The following SGCD variants were observed in gnomAD, a reference collection of about 807,000 sequenced individuals.
The protein encoded by SGCD is sarcoglycan delta.
SGCD carries 18 observed loss-of-function variants against 36.6 expected under a neutral mutation model. The observed-to-expected ratio is 0.49, with a 90% confidence interval of 0.34 to 0.73. The LOEUF (loss-of-function observed/expected upper bound fraction) is 0.73, where lower values mean the gene tolerates loss of function less well. Among genes scored for constraint, SGCD ranks in the 30% least tolerant of loss-of-function variants. The pLI, the probability that SGCD is intolerant of heterozygous loss-of-function variation, is 0.01. For missense variants in SGCD, 387 were observed against 346.7 expected, an observed-to-expected ratio of 1.12 and a Z score of -0.92; for synonymous variants, 133 against 130.6, an observed-to-expected ratio of 1.02 and a Z score of -0.12.
chr5:156,257,893 C>T (rs1247438469), intron 3 of SGCD, among the ~76,000 whole-genome samples: 1 of 151,970 alleles, frequency 6.6e-6, no homozygotes, highest in East Asian at 1.9e-4. Flanking sequence ...CAAAAGAATG[C>T]CCTTGATGAA....
intron 3 of SGCD, among the ~76,000 whole-genome samples, chr5:156,276,637 A>G (rs183179283): frequency 3.3e-5 from 5 of 152,322 alleles, no homozygotes; most frequent in Admixed American, 3.3e-4. Context: ...TTCTTCATGC[A>G]TTCAACACAT....
At chr5:156,708,324 T>C (rs1258983163) in intron 7 of SGCD, among the ~76,000 whole-genome samples, 1 of 151,744 alleles carries the variant, frequency 6.6e-6, no homozygotes, top group African/African-American at 2.4e-5. Context: ...AGAATGTCCA[T>C]GACTAAATTT....
rs189928460 is a variant in SGCD, at chr5:156,260,184, A to G, written c.-43-69350A>G. ...ATAGAGAGCCTTTAAATAAAATAGC[A>G]TATGTCCTCTAAAGTTATACCTTTC... On this transcript the variant is annotated intron_variant, in intron 3 of 9. Coordinates refer to the SGCD transcript ENST00000517913. Among the ~76,000 whole-genome samples the G allele has an allele frequency of 8.5e-4, 129 of 152,312 alleles. No homozygotes were observed. The East Asian group carries it at 0.022, about 26-fold the overall frequency.
At chr5:156,075,274 A>G (rs1057372579) in intron 1 of SGCD, among the ~76,000 whole-genome samples, 1 of 152,216 alleles carries the variant, frequency 6.6e-6, no homozygotes, top group Non-Finnish European at 1.5e-5. Flanking sequence ...AATGATGCAA[A>G]GGTGAAATAC....
At chr5:156,385,432 G>A (rs144335789) in intron 3 of SGCD, among the ~76,000 whole-genome samples, 2 of 152,356 alleles carry the variant, frequency 1.3e-5, no homozygotes, top group East Asian at 3.9e-4. Context: ...GGTGGGGGAA[G>A]CAACATAGTT....
chr5:156,113,302 C>T (rs1464313900), intron 1 of SGCD, among the ~76,000 whole-genome samples: 1 of 152,100 alleles, frequency 6.6e-6, no homozygotes, highest in African/African-American at 2.4e-5. Context: ...CTCTCTGCTG[C>T]AAAACTGGAG....
the SGCD span, among the ~76,000 whole-genome samples, chr5:155,842,326 G>T: frequency 6.8e-6 from 1 of 147,750 alleles, no homozygotes; most frequent in Non-Finnish European, 1.5e-5. Flanking sequence ...TGTAATCCCA[G>T]CCCTTTGGGA....
intron 7 of SGCD, among the ~76,000 whole-genome samples, chr5:156,711,389 T>G (rs1196813990): frequency 6.6e-6 from 1 of 152,202 alleles, no homozygotes; most frequent in African/African-American, 2.4e-5. Context: ...TGCAAATGTA[T>G]CTCTCAATAT....
chr5:156,079,420 C>T (rs187750453), intron 1 of SGCD, among the ~76,000 whole-genome samples: 14 of 152,302 alleles, frequency 9.2e-5, no homozygotes, highest in African/African-American at 3.4e-4. Flanking sequence ...TCCTAACAGT[C>T]CACCAAAGCT....
intron 1 of SGCD, among the ~76,000 whole-genome samples, chr5:156,115,607 A>T (rs917496211): frequency 2.6e-5 from 4 of 152,084 alleles, no homozygotes; most frequent in Non-Finnish European, 5.9e-5. Flanking sequence ...TTACTTTTCA[A>T]ATTATCGATT....
the SGCD span, among the ~76,000 whole-genome samples, chr5:155,843,322 A>G: frequency 2.0e-5 from 3 of 152,150 alleles, no homozygotes; most frequent in African/African-American, 7.2e-5. Context: ...TGAGCACTAG[A>G]TAAAACACTT....
At chr5:155,914,844 T>C (rs1395686835) in intron 1 of SGCD, among the ~76,000 whole-genome samples, 1 of 152,184 alleles carries the variant, frequency 6.6e-6, no homozygotes, top group Non-Finnish European at 1.5e-5. Flanking sequence ...ACAATTCACT[T>C]GGCTTACCAG....
chr5:156,705,291 A>G (rs1304939293), intron 7 of SGCD, among the ~76,000 whole-genome samples: 10 of 152,178 alleles, frequency 6.6e-5, no homozygotes, highest in Admixed American at 3.3e-4. Flanking sequence ...GTACTGTTGC[A>G]AAATATATTT....
At chr5:156,401,574 G>A (rs1161978769) in intron 3 of SGCD, among the ~76,000 whole-genome samples, 3 of 152,140 alleles carry the variant, frequency 2.0e-5, no homozygotes, top group African/African-American at 7.2e-5. Flanking sequence ...GCCACAGGTG[G>A]TAGCATTTTA....
At chr5:156,495,646 C>T (rs1756151136) in intron 3 of SGCD, among the ~76,000 whole-genome samples, 2 of 152,138 alleles carry the variant, frequency 1.3e-5, no homozygotes, top group South Asian at 4.1e-4. Flanking sequence ...GAAGCACTCA[C>T]CCAGCAGCAG....
At chr5:156,233,358 C>G (rs530641428) in intron 3 of SGCD, among the ~76,000 whole-genome samples, 1 of 152,340 alleles carries the variant, frequency 6.6e-6, no homozygotes, top group Non-Finnish European at 1.5e-5. Flanking sequence ...AACGGGAATT[C>G]TCTAACTGTA....
At chr5:156,752,554 G>A (rs981274312) in intron 7 of SGCD, among the ~76,000 whole-genome samples, 3 of 151,932 alleles carry the variant, frequency 2.0e-5, no homozygotes, top group South Asian at 2.1e-4. Context: ...CACCACACCC[G>A]GCTAATTTTT....
chr5:155,738,857 G>C, the SGCD span, among the ~76,000 whole-genome samples: 12 of 145,376 alleles, frequency 8.3e-5, no homozygotes, highest in African/African-American at 3.0e-4. Context: ...ATGTATATGA[G>C]AGTGTGTGAG....
At chr5:156,477,515 G>T (rs1348110617) in intron 3 of SGCD, among the ~76,000 whole-genome samples, 1 of 152,042 alleles carries the variant, frequency 6.6e-6, no homozygotes, top group African/African-American at 2.4e-5. Flanking sequence ...AGTATTCCTT[G>T]GCTAAGTACA....
Sources: allele counts gnomAD v4.1 joint callset (sites outside exome capture counted in the v4.1 genomes callset), GRCh38; gene constraint gnomAD v4.1.1; transcripts MANE v1.5; gene names NCBI Gene and HGNC (gene_info 2026-07-23, HGNC 2026-07-21).